Variants in EEF1AKMT2 observed in about 807,000 individuals in gnomAD.
EEF1AKMT2 encodes the protein EEF1A lysine methyltransferase 2, also known as eukaryotic translation elongation factor 1 alpha lysine methyltransferase 2.
A neutral mutation model predicts 35.8 loss-of-function variants in EEF1AKMT2; 32 were observed. The ratio of observed to expected loss-of-function variants is 0.89; its 90% CI spans 0.67 to 1.20. The LOEUF is 1.20. EEF1AKMT2 is among the 50% of genes most tolerant of loss of function. EEF1AKMT2 has a pLI of 0.00. For missense variants in EEF1AKMT2, 330 were observed against 347.5 expected, an observed-to-expected ratio of 0.95 and a Z score of 0.40; for synonymous variants, 121 against 133.7, an observed-to-expected ratio of 0.91 and a Z score of 0.65.
chr10:124,765,181 T>A (rs901932024), intron 5 of EEF1AKMT2, among the ~76,000 whole-genome samples: 2 of 152,156 alleles, frequency 1.3e-5, no homozygotes, highest in South Asian at 4.1e-4. Flanking sequence ...TCAGAAAAAA[T>A]TTTAAAAGAT....
chr10:124,769,033 A>T (rs1950404360), intron 4 of EEF1AKMT2, among the ~76,000 whole-genome samples: 1 of 150,114 alleles, frequency 6.7e-6, no homozygotes, highest in Admixed American at 6.7e-5. Context: ...ATTCAAGACT[A>T]GCCTGGGCAA....
At chr10:124,772,505 T>C (rs912924468) in intron 4 of EEF1AKMT2, among the ~76,000 whole-genome samples, 2 of 141,912 alleles carry the variant, frequency 1.4e-5, no homozygotes, top group Non-Finnish European at 3.0e-5. Context: ...CTTGGCTCAC[T>C]GCAACCTCTG....
intron 3 of EEF1AKMT2, among the ~76,000 whole-genome samples, chr10:124,788,413 T>C (rs557696724): frequency 1.2e-3 from 176 of 152,222 alleles, no homozygotes; most frequent in Non-Finnish European, 2.1e-3. Flanking sequence ...AATTTTCCTG[T>C]TGCCAATGCC....
Position 124,760,394 on chromosome 10 carries a change from G to A in EEF1AKMT2, c.*109C>T, listed in dbSNP as rs767289680. 95 of 1,580,020 alleles carry A rather than the reference G, an allele frequency of 6.0e-5. 1 individual carries two copies. The highest frequency in any genetic ancestry group is 3.4e-4 in the East Asian group (15 of 44,550). On this transcript the variant is annotated 3_prime_UTR_variant, in exon 7 of 7. Transcript: ENST00000368836. ...AGATTCTGTGTAGCTACCTGAATTC[G>A]TCCAAGAAAAAGTCTCACATTTTTT...
At chr10:124,765,075 G>A (rs1262767320) in intron 5 of EEF1AKMT2, among the ~76,000 whole-genome samples, 1 of 152,052 alleles carries the variant, frequency 6.6e-6, no homozygotes, top group Non-Finnish European at 1.5e-5. Flanking sequence ...CTAATTTTTT[G>A]TATTTTTAGC....
chr10:124,767,338 C>A (rs1386669403), intron 4 of EEF1AKMT2, among the ~76,000 whole-genome samples: 4 of 150,186 alleles, frequency 2.7e-5, no homozygotes, highest in African/African-American at 9.8e-5. Flanking sequence ...ACGGTGAAAC[C>A]CTGTCTCTAC....
chr10:124,785,388 AAATT>A (rs1298185872), intron 3 of EEF1AKMT2, among the ~76,000 whole-genome samples: 1 of 152,136 alleles, frequency 6.6e-6, no homozygotes, highest in Non-Finnish European at 1.5e-5. Context: ...AAAAAGGAAA[AAATT>A]AATTGGACTT....
At chr10:124,774,562 T>G (rs1403021986) in intron 4 of EEF1AKMT2, 113 bp downstream of exon 4, 5 of 527,358 alleles carry the variant, frequency 9.5e-6, no homozygotes, top group Non-Finnish European at 1.4e-5. Flanking sequence ...ATGTTTCAAT[T>G]TGTATTATTT....
At chr10:124,774,911 C>A in intron 3 of EEF1AKMT2, 129 bp from the exon 4 acceptor site, 1 of 374,904 alleles carries the variant, frequency 2.7e-6, no homozygotes, top group Non-Finnish European at 4.7e-6. Context: ...TAATCCAATT[C>A]ATAATGCTTA....
intron 4 of EEF1AKMT2, among the ~76,000 whole-genome samples, chr10:124,774,390 A>AG (rs1950469447): frequency 4.8e-5 from 7 of 147,196 alleles, no homozygotes; most frequent in Non-Finnish European, 7.4e-5. Flanking sequence ...AAAAAAAAAA[A>AG]AAAAAAAAAA....
intron 1 of EEF1AKMT2, among the ~76,000 whole-genome samples, chr10:124,790,570 T>C (rs1376951581): frequency 6.6e-6 from 1 of 152,132 alleles, no homozygotes; most frequent in Non-Finnish European, 1.5e-5. Context: ...GGACAATATC[T>C]GATGCACAAC....
chr10:124,784,619 G>T (rs975011243), intron 3 of EEF1AKMT2, among the ~76,000 whole-genome samples: 16 of 151,536 alleles, frequency 1.1e-4, no homozygotes, highest in African/African-American at 3.6e-4. Flanking sequence ...AAAAAGAACA[G>T]AACTCAATGA....
At chr10:124,773,734 T>C (rs1270320478) in intron 4 of EEF1AKMT2, among the ~76,000 whole-genome samples, 3 of 152,162 alleles carry the variant, frequency 2.0e-5, no homozygotes, top group Non-Finnish European at 4.4e-5. Context: ...CAAAGATCAA[T>C]GATCATGAAT....
Position 124,791,835 on chromosome 10 carries a change from T to G in EEF1AKMT2, c.-2A>C, listed in dbSNP as rs561352392. The G allele has an allele frequency of 1.7e-5, 27 of 1,570,126 alleles. No homozygotes were observed. The highest frequency in any genetic ancestry group is 2.3e-5 in the Non-Finnish European group (27 of 1,164,446). ...GCCGCCGTCAGCGCCCGAGCTCATT[T>G]CGCTCCACGTCCTGGACGGCCGTTG... On this transcript the variant is annotated 5_prime_UTR_variant, in exon 1 of 7. Coordinates refer to ENST00000368836, the MANE Select transcript of EEF1AKMT2 (RefSeq NM_212554.4).
In EEF1AKMT2 at chr10:124,791,777, C is replaced by A; in HGVS notation, c.57G>T (p.Lys19Asn). The A allele has an allele frequency of 6.3e-7, 1 of 1,594,722 alleles. No homozygotes were observed. The highest frequency in any genetic ancestry group is 1.1e-5 in the South Asian group (1 of 89,182). ...GGAAVAARSD[K>N]GSPGEDGFVP... Reference sequence around the variant, plus strand: ...CGAAACCGTCCTCCCCGGGACTGCCCTTGTCCGACCGCGCCGCCACCGCAG... The same window carrying A: ...CGAAACCGTCCTCCCCGGGACTGCCATTGTCCGACCGCGCCGCCACCGCAG... Residue 19 changes from lysine to asparagine, a missense_variant, in exon 1 of 7, where the codon AAG becomes AAT. Transcript: ENST00000368836.
intron 4 of EEF1AKMT2, among the ~76,000 whole-genome samples, chr10:124,768,237 T>C (rs1347637766): frequency 1.3e-5 from 2 of 152,142 alleles, no homozygotes; most frequent in African/African-American, 4.8e-5. Context: ...TGGATGAGGT[T>C]CAGAATCTAT....
intron 4 of EEF1AKMT2, among the ~76,000 whole-genome samples, chr10:124,771,542 C>A (rs1950436333): frequency 6.6e-6 from 1 of 152,046 alleles, no homozygotes; most frequent in African/African-American, 2.4e-5. Context: ...CCATCACGGG[C>A]TACAGAACAG....
At chr10:124,780,917 A>C (rs1030853282) in intron 3 of EEF1AKMT2, among the ~76,000 whole-genome samples, 1 of 152,140 alleles carries the variant, frequency 6.6e-6, no homozygotes, top group African/African-American at 2.4e-5. Flanking sequence ...CAGATTCCTC[A>C]TGAGAAAACA....
At position 124,790,301 on chromosome 10, in the gene EEF1AKMT2, G is replaced by A. The variant is rs201104535; in HGVS notation, c.148C>T (p.Arg50Ter). The change falls in exon 2 of 7, where the codon CGA becomes TGA. Residue 50 changes from arginine (R) to a stop codon, truncating the protein, a stop_gained. Coordinates refer to ENST00000368836, the MANE Select transcript of EEF1AKMT2 (RefSeq NM_212554.4). LOFTEE classifies it high-confidence loss of function. ...ATTTCACCTGTATCTCCATATTCTCGGAAAGTTTGCAGTTCTCTCTCATAG... is the reference window on the plus strand; with the variant it reads ...ATTTCACCTGTATCTCCATATTCTCAGAAAGTTTGCAGTTCTCTCTCATAG... ...AVYERELQTFREYGDTGEIWF... is the reference protein window; with the variant it reads ...AVYERELQTF 23 of 1,612,372 alleles carry A rather than the reference G, an allele frequency of 1.4e-5. No individual in the cohort carries two copies. The highest frequency in any genetic ancestry group is 1.2e-4 in the Admixed American group (7 of 59,962).
Sources: gnomAD v4.1 joint callset for allele counts (sites outside exome capture counted in the v4.1 genomes callset) on GRCh38, gnomAD v4.1.1 for gene constraint, MANE v1.5 for transcripts, NCBI Gene and HGNC (gene_info 2026-07-23, HGNC 2026-07-21) for gene names.